Variants in DNAJA2 observed in about 807,000 individuals in gnomAD.
DNAJA2 encodes dnaJ homolog subfamily A member 2.
In DNAJA2, 6 loss-of-function variants were observed where a neutral mutation model predicts 49.3. That is an observed-to-expected ratio of 0.12 (90% CI 0.07 to 0.24). The LOEUF is 0.24. DNAJA2 is among the 10% of genes least tolerant of loss of function. DNAJA2 has a pLI of 1.00. For synonymous variants in DNAJA2, 160 were observed against 172.7 expected (o/e 0.93, Z 0.58); for missense variants, 347 against 516.8 (o/e 0.67, Z 3.19).
chr16:46,957,876 G>GGGA (rs1254772568), intron 8 of DNAJA2, among the ~76,000 whole-genome samples: 1 of 152,066 alleles, frequency 6.6e-6, no homozygotes, highest in African/African-American at 2.4e-5. Context: ...GTTCTCTCCA[G>GGGA]GGAGTGCTAC....
At chr16:46,965,339 A>G (rs1961953620) in intron 5 of DNAJA2, among the ~76,000 whole-genome samples, 1 of 152,256 alleles carries the variant, frequency 6.6e-6, no homozygotes, top group African/African-American at 2.4e-5. Context: ...AGGGCAACAC[A>G]GCTTTTCTCT....
intron 5 of DNAJA2, among the ~76,000 whole-genome samples, chr16:46,966,886 T>C (rs549849304): frequency 6.6e-6 from 1 of 152,312 alleles, no homozygotes; most frequent in East Asian, 1.9e-4. Context: ...ATAAAGGAGA[T>C]AGTCCTCCTA....
At chr16:46,958,406 AAAAC>A (rs1292745825) in intron 8 of DNAJA2, among the ~76,000 whole-genome samples, 8 of 151,998 alleles carry the variant, frequency 5.3e-5, no homozygotes, top group Non-Finnish European at 7.4e-5. Flanking sequence ...TAAAAATACA[AAAAC>A]AAAATTAGCG....
At chr16:46,964,872 C>CT in intron 5 of DNAJA2, 65 bp from the exon 6 acceptor site, 2 of 1,287,842 alleles carry the variant, frequency 1.6e-6, no homozygotes, top group Non-Finnish European at 2.1e-6. Context: ...TACCCTTATT[C>CT]TTTAAATATG....
At chr16:46,964,842 G>T in intron 5 of DNAJA2, 35 bp from the exon 6 acceptor site, 1 of 1,490,162 alleles carries the variant, frequency 6.7e-7, no homozygotes, top group Non-Finnish European at 9.2e-7. Context: ...TTCAGCAAGA[G>T]TACTATACTG....
chr16:46,971,115 C>T (rs1962040661), intron 3 of DNAJA2, among the ~76,000 whole-genome samples: 1 of 151,730 alleles, frequency 6.6e-6, no homozygotes, highest in African/African-American at 2.4e-5. Flanking sequence ...AGCCTCAGAA[C>T]CATATAAAAC....
intron 6 of DNAJA2, among the ~76,000 whole-genome samples, chr16:46,960,782 A>C (rs553942001): frequency 6.6e-6 from 1 of 152,178 alleles, no homozygotes; most frequent in Admixed American, 6.5e-5. Flanking sequence ...CCATCTCAAT[A>C]AGAAAAAAAT....
intron 8 of DNAJA2, among the ~76,000 whole-genome samples, chr16:46,957,905 C>T (rs1961838038): frequency 6.6e-6 from 1 of 152,090 alleles, no homozygotes; most frequent in Non-Finnish European, 1.5e-5. Context: ...ACCACCCACA[C>T]CGGGTCTACT....
At chr16:46,957,248 T>C in intron 8 of DNAJA2, 28 bp from the exon 9 acceptor site, 1 of 1,548,660 alleles carries the variant, frequency 6.5e-7, no homozygotes, top group Non-Finnish European at 8.7e-7. Context: ...AAAACCAGGT[T>C]GGTTGTAATA....
chr16:46,958,710 CG>C, intron 8 of DNAJA2: 4 of 264,554 alleles, frequency 1.5e-5, no homozygotes, highest in Non-Finnish European at 2.1e-5. Flanking sequence ...ACCTGGGAGG[CG>C]GGGGGTACAG....
intron 8 of DNAJA2, 98 bp downstream of exon 8, chr16:46,958,905 C>A (rs1275010810): frequency 1.4e-6 from 2 of 1,391,174 alleles, no homozygotes; most frequent in Admixed American, 4.9e-5. Context: ...GATCACACCA[C>A]TACACCCCAG....
At chr16:46,964,845 C>CAG in intron 5 of DNAJA2, 38 bp from the exon 6 acceptor site, 3 of 1,499,942 alleles carry the variant, frequency 2.0e-6, no homozygotes, top group Non-Finnish European at 2.8e-6. Flanking sequence ...AGCAAGAGTA[C>CAG]TATACTGTAC....
At chr16:46,965,617 G>T (rs1399977631) in intron 5 of DNAJA2, among the ~76,000 whole-genome samples, 1 of 148,216 alleles carries the variant, frequency 6.7e-6, no homozygotes, top group Non-Finnish European at 1.5e-5. Context: ...GATCACCTGA[G>T]GTCAGGAGTT....
In DNAJA2 at chr16:46,961,146, C is replaced by A. The variant is rs962856460; in HGVS notation, c.775-1727G>T. On this transcript the variant is annotated intron_variant, in intron 6 of 8. Transcript: ENST00000317089. ...ATGCAGTGGCTCATGCCTATAATCCCAGCACTTTGGGAGGCTGAGGCAGGT... is the reference window on the plus strand; with the variant it reads ...ATGCAGTGGCTCATGCCTATAATCCAAGCACTTTGGGAGGCTGAGGCAGGT... Among the ~76,000 whole-genome samples, 10 of 152,248 alleles carry A rather than the reference C, an allele frequency of 6.6e-5. 1 individual carries two copies. In the East Asian group the frequency reaches 1.2e-3, roughly 18 times the overall value.
At chr16:46,967,918 G>C (rs1285849020) in intron 4 of DNAJA2, among the ~76,000 whole-genome samples, 166 bp downstream of exon 4, 2 of 152,092 alleles carry the variant, frequency 1.3e-5, no homozygotes, top group East Asian at 3.9e-4. Flanking sequence ...TCCTACCTCA[G>C]GTGATCCACC....
intron 2 of DNAJA2, 94 bp downstream of exon 2, chr16:46,971,802 T>G: frequency 8.6e-7 from 1 of 1,157,986 alleles, no homozygotes; most frequent in Non-Finnish European, 1.3e-6. Flanking sequence ...GTGGGCATAG[T>G]TGGATTTTTT....
At chr16:46,971,725 C>G (rs1962052628) in intron 2 of DNAJA2, 153 bp from the exon 3 acceptor site, 1 of 831,742 alleles carries the variant, frequency 1.2e-6, no homozygotes, top group Non-Finnish European at 1.9e-6. Context: ...CCACCCACCG[C>G]TCCTCAGAAT....
chr16:46,964,282 G>A (rs1596656189), intron 6 of DNAJA2, among the ~76,000 whole-genome samples: 1 of 152,262 alleles, frequency 6.6e-6, no homozygotes, highest in South Asian at 2.1e-4. Context: ...TGAGGCAGGA[G>A]AATCACTTGA....
rs1280581554 is a variant in DNAJA2 at position 46,964,810 on chromosome 16, G to T, written c.578-3C>A. ...GTCTTTTTCATTAATTACCTCTCCTGGAAAGAGAAGTCATTGAAACTTTCA... is the reference window on the plus strand; with the variant it reads ...GTCTTTTTCATTAATTACCTCTCCTTGAAAGAGAAGTCATTGAAACTTTCA... On this transcript the variant is annotated splice_region_variant and splice_polypyrimidine_tract_variant and intron_variant, in intron 5 of 8. Transcript: ENST00000317089. The T allele has an allele frequency of 1.2e-6, 2 of 1,610,586 alleles. No individual in the cohort carries two copies. The highest frequency in any genetic ancestry group is 1.7e-6 in the Non-Finnish European group (2 of 1,178,290).
Sources: allele counts gnomAD v4.1 joint callset (sites outside exome capture counted in the v4.1 genomes callset), GRCh38; gene constraint gnomAD v4.1.1; transcripts MANE v1.5; gene names NCBI Gene and HGNC (gene_info 2026-07-23, HGNC 2026-07-21).